ITFG1: variants seen among roughly 807,000 people sequenced by gnomAD.
ITFG1 encodes T-cell immunomodulatory protein.
In ITFG1, 34 loss-of-function variants were observed where a neutral mutation model predicts 81.8. The observed-to-expected ratio is 0.42, with a 90% CI of 0.32 to 0.55. ITFG1 has a LOEUF of 0.55. ITFG1 is among the 20% of genes least tolerant of loss of function. The probability of loss-of-function intolerance (pLI) is 0.17; values close to 1 mark genes in which losing one functional copy is unlikely to be tolerated. For synonymous variants in ITFG1, 285 were observed against 270.6 expected (o/e 1.05, Z -0.52); for missense variants, 672 against 755.4 (o/e 0.89, Z 1.29).
At chr16:47,301,531 G>C (rs1967076347) in intron 10 of ITFG1, among the ~76,000 whole-genome samples, 1 of 151,762 alleles carries the variant, frequency 6.6e-6, no homozygotes, top group East Asian at 1.9e-4. Context: ...CGAGTAGGTG[G>C]GACTACAGGC....
intron 10 of ITFG1, among the ~76,000 whole-genome samples, chr16:47,306,214 T>C (rs1315928081): frequency 6.6e-6 from 1 of 151,520 alleles, no homozygotes; most frequent in Non-Finnish European, 1.5e-5. Flanking sequence ...TGTTGAATAA[T>C]CCAAAAAAAG....
At chr16:47,259,801 C>T (rs543361381) in intron 11 of ITFG1, among the ~76,000 whole-genome samples, 127 of 152,222 alleles carry the variant, frequency 8.3e-4, no homozygotes, top group African/African-American at 3.0e-3. Context: ...TTCATAAGGT[C>T]ACCTGGCAAT....
chr16:47,244,286 T>A (rs2151536224), intron 12 of ITFG1, among the ~76,000 whole-genome samples: 1 of 152,344 alleles, frequency 6.6e-6, no homozygotes, highest in East Asian at 1.9e-4. Flanking sequence ...ATGGGAACCC[T>A]GATTCATGGC....
intron 14 of ITFG1, among the ~76,000 whole-genome samples, chr16:47,176,569 G>A (rs549522070): frequency 3.3e-4 from 50 of 152,304 alleles, no homozygotes; most frequent in African/African-American, 1.1e-3. Context: ...TAACTAGCAT[G>A]TACATTTTAA....
chr16:47,303,009 C>T (rs931244965), intron 10 of ITFG1, among the ~76,000 whole-genome samples: 1 of 152,164 alleles, frequency 6.6e-6, no homozygotes, highest in Admixed American at 6.5e-5. Context: ...CGGTAGCTCA[C>T]GCCTGTAATC....
intron 5 of ITFG1, among the ~76,000 whole-genome samples, chr16:47,432,418 G>A (rs1205987243): frequency 2.6e-5 from 4 of 152,140 alleles, no homozygotes; most frequent in Non-Finnish European, 5.9e-5. Context: ...CTTGGCAGGT[G>A]GAATCTGGGA....
intron 3 of ITFG1, 152 bp downstream of exon 3, chr16:47,453,861 A>T: frequency 1.6e-6 from 1 of 611,940 alleles, no homozygotes; most frequent in Non-Finnish European, 2.8e-6. Context: ...TTCAGGGTTG[A>T]AAAAGAAAAA....
intron 6 of ITFG1, among the ~76,000 whole-genome samples, chr16:47,393,668 T>C (rs1049433852): frequency 4.0e-5 from 6 of 151,804 alleles, no homozygotes; most frequent in African/African-American, 1.5e-4. Flanking sequence ...GAGGTGGAGG[T>C]TGCAGTGAGC....
chr16:47,179,472 A>T (rs1168458916), intron 14 of ITFG1, among the ~76,000 whole-genome samples: 1 of 152,138 alleles, frequency 6.6e-6, no homozygotes, highest in Non-Finnish European at 1.5e-5. Flanking sequence ...TAAAGTATAT[A>T]AAAAAATTGA....
intron 8 of ITFG1, among the ~76,000 whole-genome samples, chr16:47,360,396 TC>T (rs1968094708): frequency 6.6e-6 from 1 of 152,192 alleles, no homozygotes; most frequent in South Asian, 2.1e-4. Context: ...GTGTTCAATG[TC>T]CCTTTTCAAT....
chr16:47,355,413 A>C (rs924348471), intron 8 of ITFG1, among the ~76,000 whole-genome samples: 1 of 152,126 alleles, frequency 6.6e-6, no homozygotes, highest in Admixed American at 6.6e-5. Flanking sequence ...GCTTGGTCAA[A>C]GGGCACAAAG....
At chr16:47,348,280 T>C (rs1344278970) in intron 8 of ITFG1, among the ~76,000 whole-genome samples, 1 of 152,148 alleles carries the variant, frequency 6.6e-6, no homozygotes, top group Non-Finnish European at 1.5e-5. Context: ...AGGAGGAAGT[T>C]TGATCCCAAC....
intron 6 of ITFG1, among the ~76,000 whole-genome samples, chr16:47,413,741 C>A (rs749323087): frequency 6.6e-6 from 1 of 152,032 alleles, no homozygotes; most frequent in Non-Finnish European, 1.5e-5. Flanking sequence ...TAAAGCAACT[C>A]CAAAATCAAA....
At chr16:47,181,997 A>G (rs1965130789) in intron 14 of ITFG1, among the ~76,000 whole-genome samples, 1 of 152,126 alleles carries the variant, frequency 6.6e-6, no homozygotes, top group African/African-American at 2.4e-5. Flanking sequence ...GCTCCTTAAG[A>G]GTCATCACCA....
At chr16:47,423,161 C>T (rs1198082476) in intron 6 of ITFG1, among the ~76,000 whole-genome samples, 2 of 152,014 alleles carry the variant, frequency 1.3e-5, no homozygotes, top group Admixed American at 6.6e-5. Context: ...TGAATTGATC[C>T]CTTTACCATT....
At chr16:47,341,744 A>C (rs949623232) in intron 8 of ITFG1, among the ~76,000 whole-genome samples, 34 of 152,256 alleles carry the variant, frequency 2.2e-4, no homozygotes, top group Admixed American at 2.0e-3. Context: ...AAGTGGGTAC[A>C]TTACTGTTGA....
chr16:47,396,193 G>T (rs558738004), intron 6 of ITFG1: 15 of 984,390 alleles, frequency 1.5e-5, no homozygotes, highest in African/African-American at 3.5e-5. Flanking sequence ...AAAGTTAATC[G>T]GCTGCAACTC....
At chr16:47,375,025 T>C (rs1449754368) in intron 7 of ITFG1, among the ~76,000 whole-genome samples, 1 of 152,238 alleles carries the variant, frequency 6.6e-6, no homozygotes, top group African/African-American at 2.4e-5. Flanking sequence ...TGGGTTTAAT[T>C]TGGATTGAAT....
At chr16:47,227,222 G>T (rs1389751042) in intron 13 of ITFG1, among the ~76,000 whole-genome samples, 1 of 152,076 alleles carries the variant, frequency 6.6e-6, no homozygotes, top group East Asian at 1.9e-4. Context: ...ACTAAAAATA[G>T]TTATGCTCAT....
Sources: allele counts gnomAD v4.1 joint callset (sites outside exome capture counted in the v4.1 genomes callset), GRCh38; gene constraint gnomAD v4.1.1; transcripts MANE v1.5; gene names NCBI Gene and HGNC (gene_info 2026-07-23, HGNC 2026-07-21).